Variants in RNLS observed in about 807,000 individuals in gnomAD.
The protein encoded by RNLS is renalase, FAD dependent amine oxidase, also known as renalase.
In RNLS, 39 loss-of-function variants were observed where a neutral mutation model predicts 39.8. That is an observed-to-expected ratio of 0.98 (90% CI 0.76 to 1.28). The LOEUF is 1.28. Among genes scored for constraint, RNLS ranks in the 50% most tolerant of loss-of-function variants. The pLI, the probability that RNLS is intolerant of heterozygous loss-of-function variation, is 0.00. For synonymous variants in RNLS, 147 were observed against 150.7 expected (o/e 0.98, Z 0.18); for missense variants, 410 against 413.3 (o/e 0.99, Z 0.07).
At chr10:88,382,205 T>C (rs1348810454) in intron 4 of RNLS, among the ~76,000 whole-genome samples, 1 of 152,006 alleles carries the variant, frequency 6.6e-6, no homozygotes, top group Non-Finnish European at 1.5e-5. Flanking sequence ...ACCTATCATC[T>C]CAAAACAGTA....
intron 5 of RNLS, chr10:88,343,489 C>T (rs1027249684): frequency 7.7e-6 from 7 of 911,570 alleles, no homozygotes; most frequent in South Asian, 1.0e-4. Flanking sequence ...CAGTGATGAA[C>T]GTAAGTTTGA....
rs980205141 is a variant in RNLS, at chr10:88,377,663, C to T, written c.527-14938G>A. On this transcript the variant is annotated intron_variant, in intron 4 of 6. Coordinates refer to ENST00000331772, the MANE Select transcript of RNLS (RefSeq NM_001031709.3). ...ATGGTACATGTGTATGGACACTTACCATAGATAGAGATTGCAAGATGAAAG... is the reference window on the plus strand; with the variant it reads ...ATGGTACATGTGTATGGACACTTACTATAGATAGAGATTGCAAGATGAAAG... 3.9e-5 allele frequency among the ~76,000 whole-genome samples: 6 copies of T among 152,060 alleles called. No homozygotes were observed. In the East Asian group the frequency reaches 9.6e-4, roughly 24 times the overall value.
At chr10:88,309,299 A>G (rs973851843) in intron 6 of RNLS, 3 of 836,302 alleles carry the variant, frequency 3.6e-6, no homozygotes, top group Non-Finnish European at 5.0e-6. Context: ...GGAAAAGAAA[A>G]AGAAAATGCA....
chr10:88,228,050 G>A, the RNLS span, among the ~76,000 whole-genome samples: 1 of 152,150 alleles, frequency 6.6e-6, no homozygotes, highest in South Asian at 2.1e-4. Flanking sequence ...CGTGGCTTGT[G>A]TGTTGCCATA....
intron 4 of RNLS, among the ~76,000 whole-genome samples, chr10:88,518,148 G>A (rs980303826): frequency 6.6e-6 from 1 of 151,680 alleles, no homozygotes; most frequent in South Asian, 2.1e-4. Context: ...TAATCCAACA[G>A]CTTAAATAAA....
chr10:88,567,137 T>C (rs1849546670), intron 4 of RNLS, among the ~76,000 whole-genome samples: 1 of 151,956 alleles, frequency 6.6e-6, no homozygotes, highest in Admixed American at 6.6e-5. Flanking sequence ...GAGGGTCTAG[T>C]ACAAATCAAA....
At chr10:88,235,192 C>T in the RNLS span, among the ~76,000 whole-genome samples, 12 of 128,288 alleles carry the variant, frequency 9.4e-5, no homozygotes, top group Middle Eastern at 4.8e-3. Context: ...GGCGTGAACG[C>T]GGGAGGTGGA....
At chr10:88,365,117 A>G (rs1486375218) in intron 4 of RNLS, among the ~76,000 whole-genome samples, 1 of 152,102 alleles carries the variant, frequency 6.6e-6, no homozygotes, top group Non-Finnish European at 1.5e-5. Flanking sequence ...CTATATAGAA[A>G]CAGCAATTAA....
chr10:88,577,934 T>G (rs1249938040), intron 3 of RNLS, among the ~76,000 whole-genome samples: 1 of 152,208 alleles, frequency 6.6e-6, no homozygotes, highest in Non-Finnish European at 1.5e-5. Flanking sequence ...GACAAATAAT[T>G]GCCCTGGGAG....
At chr10:88,451,312 G>T (rs561306790) in intron 4 of RNLS, among the ~76,000 whole-genome samples, 1 of 152,320 alleles carries the variant, frequency 6.6e-6, no homozygotes, top group South Asian at 2.1e-4. Context: ...ACCAGAATTT[G>T]TAGTTGGGGA....
At chr10:88,432,685 C>A (rs959554015) in intron 4 of RNLS, among the ~76,000 whole-genome samples, 3 of 151,842 alleles carry the variant, frequency 2.0e-5, no homozygotes, top group Admixed American at 2.0e-4. Flanking sequence ...TGAAAGTTTT[C>A]CAACAAAATG....
chr10:88,528,164 G>T (rs1021310525), intron 4 of RNLS, among the ~76,000 whole-genome samples: 3 of 151,738 alleles, frequency 2.0e-5, no homozygotes, highest in African/African-American at 4.8e-5. Context: ...ATAAAAAGAA[G>T]AATCTAAAAG....
At chr10:88,456,012 A>G (rs925885740) in intron 4 of RNLS, among the ~76,000 whole-genome samples, 4 of 152,216 alleles carry the variant, frequency 2.6e-5, no homozygotes, top group African/African-American at 9.6e-5. Flanking sequence ...GCTGGATGAG[A>G]TGTCAGCAAG....
chr10:88,406,821 A>G (rs993570146), intron 4 of RNLS, among the ~76,000 whole-genome samples: 1 of 152,084 alleles, frequency 6.6e-6, no homozygotes, highest in Non-Finnish European at 1.5e-5. Flanking sequence ...CCATCAATCA[A>G]CAAGTGGATA....
intron 5 of RNLS, among the ~76,000 whole-genome samples, chr10:88,321,305 G>C (rs901369105): frequency 2.6e-5 from 4 of 152,206 alleles, no homozygotes; most frequent in African/African-American, 7.2e-5. Context: ...CAAAAGCAGG[G>C]CTAAGAGGAA....
chr10:88,321,476 G>A (rs761446830), intron 5 of RNLS, among the ~76,000 whole-genome samples: 9 of 151,876 alleles, frequency 5.9e-5, no homozygotes, highest in African/African-American at 9.7e-5. Flanking sequence ...ATAAAATTGT[G>A]ACCAACAAAA....
the RNLS span, among the ~76,000 whole-genome samples, chr10:88,206,581 A>G: frequency 2.3e-3 from 350 of 152,290 alleles, no homozygotes; most frequent in African/African-American, 7.8e-3. Flanking sequence ...ATGTAAACAG[A>G]AAATTCTGGT....
At chr10:88,489,327 G>T (rs17343533) in intron 4 of RNLS, among the ~76,000 whole-genome samples, 11,394 of 152,150 alleles carry the variant, frequency 0.075, 592 homozygotes, top group Admixed American at 0.15. Context: ...GACTGCTTTT[G>T]TCTGTTCAGA....
downstream of RNLS, chr10:88,284,022 C>G (rs1843118326): frequency 1.9e-6 from 1 of 533,694 alleles, no homozygotes; most frequent in African/African-American, 2.1e-5. Flanking sequence ...CAAAAAATCA[C>G]TATTTTTCAT....
Sources: allele counts gnomAD v4.1 joint callset (sites outside exome capture counted in the v4.1 genomes callset), GRCh38; gene constraint gnomAD v4.1.1; transcripts MANE v1.5; gene names NCBI Gene and HGNC (gene_info 2026-07-23, HGNC 2026-07-21).